Variants in HDAC4 observed in about 807,000 individuals in gnomAD.
The protein encoded by HDAC4 is histone deacetylase A.
HDAC4 carries 16 observed loss-of-function variants against 135.1 expected under a neutral mutation model. That is an observed-to-expected ratio of 0.12 (90% CI 0.08 to 0.18). The LOEUF is 0.18. Among genes scored for constraint, HDAC4 ranks in the 10% least tolerant of loss-of-function variants. The pLI is 1.00. For missense variants in HDAC4, 1,143 were observed against 1,511.8 expected (o/e 0.76, Z 4.05); for synonymous variants, 685 against 653.4 (o/e 1.05, Z -0.74).
intron 24 of HDAC4, among the ~76,000 whole-genome samples, chr2:239,058,277 T>C (rs1217028747): frequency 1.3e-5 from 2 of 152,094 alleles, no homozygotes; most frequent in African/African-American, 2.4e-5. Context: ...ACAAATGGAA[T>C]GCAGGAAACC....
intron 19 of HDAC4, among the ~76,000 whole-genome samples, chr2:239,084,763 C>A (rs925278064): frequency 2.0e-5 from 3 of 146,966 alleles, no homozygotes; most frequent in Admixed American, 6.8e-5. Context: ...CAGACACACA[C>A]CCCACACACA....
intron 3 of HDAC4, 49 bp downstream of exon 3, chr2:239,236,544 T>C (rs2047898760): frequency 3.5e-6 from 5 of 1,443,740 alleles, no homozygotes; most frequent in Middle Eastern, 3.6e-4. Flanking sequence ...GAACACCTCT[T>C]TGGCTCAGCG....
In HDAC4 at chr2:239,144,640, G is replaced by A. The variant is rs371367857; in HGVS notation, c.808C>T (p.Arg270Cys). ...VAERRSSPLL[R>C]RKDGPVVTAL... ...GTGACCACTGGCCCGTCTTTCCTGC[G>A]TAACAGGGGGCTGCTCCGTCTTTCG... is the stretch of plus-strand genomic sequence containing the variant. Residue 270 changes from arginine (R) to cysteine (C), a missense_variant, in exon 8 of 27, where the codon CGC becomes TGC. By Grantham distance (180) the Arg-to-Cys change is radical. This residue lies in a region of HDAC4 where 272 missense variants were observed against 309.7 expected (regional missense o/e 0.88). Transcript: ENST00000543185. 4.5e-5 allele frequency: 72 copies of A among 1,614,056 alleles called. No individual in the cohort carries two copies. Among genetic ancestry groups the A allele is most frequent in the Middle Eastern group, 1.6e-4 (1 of 6,084 alleles).
intron 2 of HDAC4, among the ~76,000 whole-genome samples, chr2:239,324,512 G>A (rs772686623): frequency 2.5e-4 from 38 of 152,336 alleles, no homozygotes; most frequent in Non-Finnish European, 4.3e-4. Context: ...AAGTGCCTGC[G>A]TGGCATGCTG....
At chr2:239,133,975 C>T (rs1301487091) in intron 11 of HDAC4, among the ~76,000 whole-genome samples, 1 of 152,172 alleles carries the variant, frequency 6.6e-6, no homozygotes, top group Non-Finnish European at 1.5e-5. Context: ...AGACAGAAAC[C>T]CAAATCGCAA....
chr2:239,222,534 C>CAAAAAA (rs10716644), intron 3 of HDAC4, among the ~76,000 whole-genome samples: 1 of 112,252 alleles, frequency 8.9e-6, no homozygotes. Flanking sequence ...TACCCCATAC[C>CAAAAAA]AAAAAAAAAA....
intron 3 of HDAC4, among the ~76,000 whole-genome samples, chr2:239,200,768 C>T (rs1316684914): frequency 6.6e-6 from 1 of 151,722 alleles, no homozygotes; most frequent in Non-Finnish European, 1.5e-5. Context: ...GAGAGAGACG[C>T]GTCACAGGCA....
chr2:239,173,744 G>A (rs980379937), intron 5 of HDAC4, among the ~76,000 whole-genome samples: 4 of 152,172 alleles, frequency 2.6e-5, no homozygotes, highest in African/African-American at 9.7e-5. Context: ...ATAGATGACA[G>A]GATTCTAAAT....
In HDAC4 at chr2:239,109,982, G is replaced by T. The variant is rs185112972; in HGVS notation, c.1978+1544C>A. On this transcript the variant is annotated intron_variant, in intron 14 of 26. Coordinates refer to ENST00000543185, the MANE Select transcript of HDAC4 (RefSeq NM_001378414.1). Reference sequence around the variant, plus strand: ...CGGCAAAGCCCACACAGCTGAGGGTGGCAGAGCCAGCCAGGAGACCACGTG... The same window carrying T: ...CGGCAAAGCCCACACAGCTGAGGGTTGCAGAGCCAGCCAGGAGACCACGTG... Among the ~76,000 whole-genome samples, 28 of 152,326 alleles carry T rather than the reference G, an allele frequency of 1.8e-4. No homozygotes were observed. The East Asian group carries it at 5.4e-3, about 29-fold the overall frequency.
At chr2:239,369,093 G>A (rs1347502594) in intron 1 of HDAC4, among the ~76,000 whole-genome samples, 1 of 152,160 alleles carries the variant, frequency 6.6e-6, no homozygotes, top group African/African-American at 2.4e-5. Context: ...CTCGCCGGCA[G>A]GGAGGAATCC....
Position 239,139,886 on chromosome 2 carries a change from G to A in HDAC4, c.866-90C>T, listed in dbSNP as rs967060610. ...GGCCCGAATGCCCGGTGCCTTCCAC[G>A]GACCTGCTCGTTAGCTTGCGACAGG... On this transcript the variant is annotated intron_variant, in intron 8 of 26. Transcript: ENST00000543185. The surrounding 1 kb of genome is among the most constrained non-coding windows in gnomAD (Gnocchi z 5.3). The A allele has an allele frequency of 2.1e-5, 21 of 994,364 alleles. No individual in the cohort carries two copies. The highest frequency in any genetic ancestry group is 6.3e-5 in the African/African-American group (4 of 63,080). 61.6% of individuals were successfully genotyped at this position (994,364 alleles called of 1,614,324 possible).
chr2:239,164,488 C>T (rs1044148441), intron 5 of HDAC4, among the ~76,000 whole-genome samples: 11 of 152,314 alleles, frequency 7.2e-5, no homozygotes, highest in Middle Eastern at 3.4e-3. Context: ...GGACCGAAGT[C>T]GAAACTGTGG....
At chr2:239,218,477 T>C (rs947260669) in intron 3 of HDAC4, among the ~76,000 whole-genome samples, 3 of 150,828 alleles carry the variant, frequency 2.0e-5, no homozygotes, top group African/African-American at 7.3e-5. Context: ...TCAAGATGGA[T>C]TAAAGACTTA....
At chr2:239,389,218 G>A (rs998116669) in intron 1 of HDAC4, among the ~76,000 whole-genome samples, 9 of 152,246 alleles carry the variant, frequency 5.9e-5, no homozygotes, top group African/African-American at 1.2e-4. Flanking sequence ...GACAAATAAC[G>A]GAATAATAGC....
intron 12 of HDAC4, among the ~76,000 whole-genome samples, chr2:239,125,351 G>A (rs533003070): frequency 4.6e-5 from 7 of 152,210 alleles, no homozygotes; most frequent in Admixed American, 2.0e-4. Flanking sequence ...TGATGTGCCC[G>A]CTCCCCCTTC....
chr2:239,234,629 G>A (rs1270401122), intron 3 of HDAC4, among the ~76,000 whole-genome samples: 5 of 152,076 alleles, frequency 3.3e-5, no homozygotes, highest in East Asian at 1.9e-4. Flanking sequence ...TATCATCCCC[G>A]GCTAAGAAAT....
intron 18 of HDAC4, among the ~76,000 whole-genome samples, chr2:239,088,412 C>G (rs1206158049): frequency 6.6e-6 from 1 of 152,244 alleles, no homozygotes; most frequent in Non-Finnish European, 1.5e-5. Context: ...CATGAGGTGG[C>G]GGCAAACGCT....
chr2:239,257,262 G>T (rs535250156), intron 2 of HDAC4, among the ~76,000 whole-genome samples: 1 of 151,610 alleles, frequency 6.6e-6, no homozygotes, highest in East Asian at 1.9e-4. Context: ...GAAAAAAGGT[G>T]AAATAGGCCA....
chr2:239,183,100 A>G (rs1336057822), intron 4 of HDAC4, among the ~76,000 whole-genome samples: 1 of 152,232 alleles, frequency 6.6e-6, no homozygotes, highest in African/African-American at 2.4e-5. Context: ...GCAATTTAAA[A>G]TAAGATGACT....
Sources: allele counts gnomAD v4.1 joint callset (sites outside exome capture counted in the v4.1 genomes callset), GRCh38; gene constraint gnomAD v4.1.1; regional missense constraint gnomAD v4.1.1; non-coding constraint Gnocchi (gnomAD v3.1); transcripts MANE v1.5; gene names NCBI Gene and HGNC (gene_info 2026-07-23, HGNC 2026-07-21).